NAPSA: variants seen among roughly 807,000 people sequenced by gnomAD.
NAPSA encodes the protein napsin A aspartic peptidase.
Under a neutral mutation model 36.7 loss-of-function variants are expected in NAPSA, and 37 were observed. The ratio of observed to expected loss-of-function variants is 1.01; its 90% CI spans 0.78 to 1.33. NAPSA has a LOEUF of 1.33. NAPSA is among the 40% of genes most tolerant of loss of function. The pLI, the probability that NAPSA is intolerant of heterozygous loss-of-function variation, is 0.00. For synonymous variants in NAPSA, 222 were observed against 234.5 expected (o/e 0.95, Z 0.49); for missense variants, 532 against 543.8 (o/e 0.98, Z 0.21).
chr19:50,358,509 A>G lies in NAPSA; in HGVS notation c.*44T>C, dbSNP rs1391164097. On this transcript the variant is annotated 3_prime_UTR_variant, in exon 9 of 9. Coordinates refer to ENST00000253719, the MANE Select transcript of NAPSA (RefSeq NM_004851.3). ...AAATAGTGGATTTTTACTGGGTAGCAGGACCTCCGCGACCACCCGCTGCGC... is the reference window on the plus strand; with the variant it reads ...AAATAGTGGATTTTTACTGGGTAGCGGGACCTCCGCGACCACCCGCTGCGC... 4 of 1,468,516 alleles carry G rather than the reference A, an allele frequency of 2.7e-6. No individual in the cohort carries two copies. The highest frequency in any genetic ancestry group is 9.2e-7 in the Non-Finnish European group (1 of 1,090,470). 91.0% of individuals were successfully genotyped at this position (1,468,516 alleles called of 1,614,324 possible).
upstream of NAPSA, chr19:50,365,643 C>T (rs891278563): frequency 6.3e-6 from 10 of 1,588,826 alleles, no homozygotes; most frequent in East Asian, 1.8e-4. Flanking sequence ...TGGGTGTGAA[C>T]CCAGGTGTCC....
At chr19:50,364,693 G>C (rs2037521693) in intron 1 of NAPSA, among the ~76,000 whole-genome samples, 1 of 151,098 alleles carries the variant, frequency 6.6e-6, no homozygotes, top group Non-Finnish European at 1.5e-5. Context: ...TAAGATCTGG[G>C]ACTTAAAAGG....
chr19:50,362,009 C>T lies in NAPSA; in HGVS notation c.309G>A (p.Trp103Ter). 6.2e-7 allele frequency: 1 copy of T among 1,607,578 alleles called. No homozygotes were observed. The highest frequency in any genetic ancestry group is 1.1e-5 in the South Asian group (1 of 90,220). ...VAFDTGSSNL[W>*]VPSRRCHFFS... Reference sequence around the variant, plus strand: ...AGAAGTGGCATCTCCTGGACGGGACCCAGAGATTGGAGGAGCCAGTGTCAA... The same window carrying T: ...AGAAGTGGCATCTCCTGGACGGGACTCAGAGATTGGAGGAGCCAGTGTCAA... The change falls in exon 3 of 9, where the codon TGG becomes TGA. Residue 103 changes from tryptophan (W) to a stop codon, truncating the protein, a stop_gained. Coordinates refer to ENST00000253719, the MANE Select transcript of NAPSA (RefSeq NM_004851.3). LOFTEE classifies it high-confidence loss of function.
chr19:50,364,834 A>G (rs867108983), intron 1 of NAPSA, among the ~76,000 whole-genome samples: 1 of 146,834 alleles, frequency 6.8e-6, no homozygotes, highest in Non-Finnish European at 1.5e-5. Flanking sequence ...TCTACTAAAA[A>G]TACAAAAATT....
chr19:50,358,915 T>G, intron 8 of NAPSA, 96 bp downstream of exon 8: 1 of 1,352,388 alleles, frequency 7.4e-7, no homozygotes, highest in African/African-American at 1.5e-5. Context: ...AAAGAAATGT[T>G]TCTGTGGCCC....
At chr19:50,360,794 G>T (rs1011275949) in intron 5 of NAPSA, 147 bp downstream of exon 5, 2 of 754,708 alleles carry the variant, frequency 2.7e-6, no homozygotes, top group South Asian at 1.9e-5. Context: ...GCAACTTCTT[G>T]TATTGAATGG....
At position 50,358,565 on chromosome 19, in the gene NAPSA, C is replaced by T. The variant is rs2037423279; in HGVS notation, c.1251G>A (p.Gln417=). The change falls in exon 9 of 9, where the codon CAG becomes CAA. Residue 417 remains glutamine, a synonymous_variant. Coordinates refer to ENST00000253719, the MANE Select transcript of NAPSA (RefSeq NM_004851.3). ...CTTCACTTGGGCGTCACCCGGGGAACTGCGCCTGCGCAGTCTCTCCCCATC... is the reference window on the plus strand; with the variant it reads ...CTTCACTTGGGCGTCACCCGGGGAATTGCGCCTGCGCAGTCTCTCCCCATC... ...DLGWGETAQA[Q]FPG 1.9e-6 allele frequency: 3 copies of T among 1,598,162 alleles called. No individual in the cohort carries two copies. The highest frequency in any genetic ancestry group is 3.4e-4 in the Middle Eastern group (2 of 5,964).
Position 50,359,637 on chromosome 19 carries a change from C to A in NAPSA, c.802G>T (p.Gly268Cys). Residue 268 changes from glycine to cysteine, a missense_variant, in exon 7 of 9, where the codon GGC becomes TGC. Around this residue, in one of 3 missense-constraint regions of NAPSA, gnomAD observed 385 missense variants for 371.5 expected, o/e 1.04. Coordinates refer to ENST00000253719, the MANE Select transcript of NAPSA (RefSeq NM_004851.3). ...WQIHMERVKVGPGLTLCAKGC... is the reference protein window; with the variant it reads ...WQIHMERVKVCPGLTLCAKGC... Reference sequence around the variant, plus strand: ...TTGGCACAGAGAGTCAGCCCTGGGCCCACCTTCACACTGAGGGGGAAGGAG... The same window carrying A: ...TTGGCACAGAGAGTCAGCCCTGGGCACACCTTCACACTGAGGGGGAAGGAG... 1 of 1,614,214 alleles carries A rather than the reference C, an allele frequency of 6.2e-7. No homozygotes were observed. Among genetic ancestry groups the A allele is most frequent in the Non-Finnish European group, 8.5e-7 (1 of 1,180,042 alleles).
chr19:50,358,961 C>A (rs373362023), intron 8 of NAPSA, 50 bp downstream of exon 8: 1 of 1,528,156 alleles, frequency 6.5e-7, no homozygotes, highest in African/African-American at 1.4e-5. Flanking sequence ...GCTCTACCCT[C>A]TCAAACCGTC....
Position 50,362,222 on chromosome 19 carries a change from G to C in NAPSA, c.175C>G (p.Pro59Ala), listed in dbSNP as rs759583700. ...AAGATGGGCTTGTCCCCAGGGGATG[G>C]GGCCCCCAACTTGGGGAGCTCTGCT... The part of the protein sequence containing the change: ...EPAELPKLGA[P>A]SPGDKPIFVP... The change falls in exon 2 of 9, where the codon CCA becomes GCA. Residue 59 changes from proline to alanine, a missense_variant. Pro to Ala is a conservative substitution (Grantham distance 27, BLOSUM62 -1). Transcript: ENST00000253719. 1.2e-5 allele frequency: 20 copies of C among 1,613,930 alleles called. No individual in the cohort carries two copies. Among genetic ancestry groups the C allele is most frequent in the Non-Finnish European group, 1.4e-5 (16 of 1,179,992 alleles).
chr19:50,364,275 A>AC, intron 1 of NAPSA, among the ~76,000 whole-genome samples: 1 of 139,460 alleles, frequency 7.2e-6, no homozygotes, highest in Non-Finnish European at 1.5e-5. Flanking sequence ...AGATCGCGCC[A>AC]TTGCACTCCA....
At chr19:50,361,543 C>G in intron 4 of NAPSA, 120 bp downstream of exon 4, 2 of 868,556 alleles carry the variant, frequency 2.3e-6, no homozygotes, top group Non-Finnish European at 3.8e-6. Flanking sequence ...CTCCTCCCCA[C>G]TTGAAAAGCC....
Position 50,360,951 on chromosome 19 carries a change from A to G in NAPSA, c.658T>C (p.Tyr220His), listed in dbSNP as rs1361404360. Residue 220 changes from tyrosine to histidine, a missense_variant, in exon 5 of 9, where the codon TAC becomes CAC. Physicochemically the swap from Tyr to His is moderately conservative, Grantham distance 83. Transcript: ENST00000253719. ...GLLDKPVFSF[Y>H]LNRDPEEPDG... ...CACACTTCCCAGTACCTGTTGAGGTAAAAGGAGAAGACAGGCTTATCCAAT... is the reference window on the plus strand; with the variant it reads ...CACACTTCCCAGTACCTGTTGAGGTGAAAGGAGAAGACAGGCTTATCCAAT... The G allele has an allele frequency of 1.5e-5, 24 of 1,613,824 alleles. No individual in the cohort carries two copies. Among genetic ancestry groups the G allele is most frequent in the Admixed American group, 5.0e-5 (3 of 59,994 alleles).
upstream of NAPSA, among the ~76,000 whole-genome samples, chr19:50,366,895 G>T (rs146913075): frequency 2.0e-5 from 3 of 150,812 alleles, no homozygotes; most frequent in Admixed American, 1.3e-4. Flanking sequence ...GTGTAATGGC[G>T]CCATCTTGGC....
upstream of NAPSA, among the ~76,000 whole-genome samples, chr19:50,367,543 T>TTTCTCC (rs2037562817): frequency 7.2e-6 from 1 of 138,260 alleles, no homozygotes; most frequent in East Asian, 2.0e-4. Context: ...TCAGTCTCTC[T>TTTCTCC]CTCTCCCTCT....
chr19:50,367,619 T>C (rs530175077), upstream of NAPSA, among the ~76,000 whole-genome samples: 7 of 152,092 alleles, frequency 4.6e-5, no homozygotes, highest in Non-Finnish European at 1.0e-4. Flanking sequence ...TACCTGGAGC[T>C]GGGAGTGGGG....
upstream of NAPSA, among the ~76,000 whole-genome samples, chr19:50,366,933 A>G (rs2037556254): frequency 6.6e-6 from 1 of 151,686 alleles, no homozygotes; most frequent in South Asian, 2.1e-4. Flanking sequence ...TCCTGAGTTC[A>G]AGCGATTGTC....
chr19:50,361,389 A>G, intron 4 of NAPSA: 1 of 558,728 alleles, frequency 1.8e-6, no homozygotes, highest in Non-Finnish European at 3.1e-6. Context: ...CTCTTCACCC[A>G]GGAAGCTCCT....
chr19:50,364,078 G>A (rs1456013419), intron 1 of NAPSA, among the ~76,000 whole-genome samples: 1 of 151,682 alleles, frequency 6.6e-6, no homozygotes, highest in Non-Finnish European at 1.5e-5. Context: ...CCAGCACTTT[G>A]GGAGGCTGAG....
Sources: allele counts gnomAD v4.1 joint callset (sites outside exome capture counted in the v4.1 genomes callset), GRCh38; gene constraint gnomAD v4.1.1; regional missense constraint gnomAD v4.1.1; transcripts MANE v1.5; gene names NCBI Gene and HGNC (gene_info 2026-07-23, HGNC 2026-07-21).